The following HCN1 variants were observed in gnomAD, a reference collection of about 807,000 sequenced individuals.
The protein encoded by HCN1 is hyperpolarization activated cyclic nucleotide gated potassium channel 1, also known as potassium/sodium hyperpolarization-activated cyclic nucleotide-gated channel 1.
HCN1 carries 13 observed loss-of-function variants against 78.9 expected under a neutral mutation model. That is an observed-to-expected ratio of 0.16 (90% confidence interval 0.11 to 0.26). The LOEUF is 0.26. Among genes scored for constraint, HCN1 ranks in the 10% least tolerant of loss-of-function variants. The pLI is 1.00. For missense variants in HCN1, 810 were observed against 1,154.3 expected, an observed-to-expected ratio of 0.70 and a Z score of 4.32; for synonymous variants, 552 against 455.5, an observed-to-expected ratio of 1.21 and a Z score of -2.70.
At chr5:45,288,698 G>A (rs572443713) in intron 6 of HCN1, among the ~76,000 whole-genome samples, 7 of 151,974 alleles carry the variant, frequency 4.6e-5, no homozygotes, top group Non-Finnish European at 7.4e-5. Context: ...GCATTAAATC[G>A]TGCTTAGGTT....
At chr5:45,505,614 A>G (rs1462132152) in intron 2 of HCN1, among the ~76,000 whole-genome samples, 1 of 152,114 alleles carries the variant, frequency 6.6e-6, no homozygotes, top group Non-Finnish European at 1.5e-5. Context: ...GAGAAGGGTA[A>G]ATTATAACAT....
At chr5:45,584,530 T>C (rs1744160653) in intron 2 of HCN1, among the ~76,000 whole-genome samples, 1 of 152,070 alleles carries the variant, frequency 6.6e-6, no homozygotes, top group African/African-American at 2.4e-5. Context: ...CCCATTTACA[T>C]TTAAGGTTAA....
At chr5:45,383,568 G>C (rs554072855) in intron 4 of HCN1, among the ~76,000 whole-genome samples, 1 of 152,108 alleles carries the variant, frequency 6.6e-6, no homozygotes, top group East Asian at 1.9e-4. Flanking sequence ...GGTGGCACAC[G>C]CCTGTAGTCC....
At chr5:45,482,001 G>T (rs1741663757) in intron 2 of HCN1, among the ~76,000 whole-genome samples, 4 of 152,110 alleles carry the variant, frequency 2.6e-5, no homozygotes, top group Admixed American at 2.6e-4. Context: ...AAATGTAGTT[G>T]GGTATGTGAT....
intron 3 of HCN1, among the ~76,000 whole-genome samples, chr5:45,428,537 T>G (rs1415495447): frequency 1.3e-5 from 2 of 152,112 alleles, no homozygotes; most frequent in Non-Finnish European, 2.9e-5. Flanking sequence ...ATTAGCAAAT[T>G]TTGTATTTAA....
Position 45,519,454 on chromosome 5 carries a change from C to CT in HCN1, c.850-57448dup, listed in dbSNP as rs571512064. On this transcript the variant is annotated intron_variant, in intron 2 of 7. Transcript: ENST00000303230. ...CGAAAAGTAGGCCATAGTAGTTCTA[C>CT]TTTTTACATGCTGGGATCTGTGATA... Among the ~76,000 whole-genome samples, 30 of 152,064 alleles carry CT rather than the reference C, an allele frequency of 2.0e-4. 1 individual carries two copies. Among genetic ancestry groups the CT allele is most frequent in the South Asian group, 6.2e-4 (3 of 4,832 alleles).
chr5:45,672,823 A>G (rs1214442459), intron 1 of HCN1, among the ~76,000 whole-genome samples: 5 of 151,144 alleles, frequency 3.3e-5, no homozygotes, highest in Non-Finnish European at 7.4e-5. Flanking sequence ...CTTTTTTTTT[A>G]AATAAACCTT....
At chr5:45,653,431 AAC>A (rs1745714150) in intron 1 of HCN1, among the ~76,000 whole-genome samples, 1 of 151,622 alleles carries the variant, frequency 6.6e-6, no homozygotes, top group African/African-American at 2.4e-5. Flanking sequence ...CTGCTTAATA[AAC>A]AGTCTCCAAA....
At chr5:45,435,964 A>C (rs964110319) in intron 3 of HCN1, among the ~76,000 whole-genome samples, 18 of 152,194 alleles carry the variant, frequency 1.2e-4, no homozygotes, top group Non-Finnish European at 2.9e-5. Context: ...CCCCGCCAAT[A>C]AAATTCCATT....
chr5:45,465,659 G>A (rs976136262), intron 2 of HCN1, among the ~76,000 whole-genome samples: 2 of 152,038 alleles, frequency 1.3e-5, no homozygotes, highest in African/African-American at 2.4e-5. Flanking sequence ...GGAGGCTGAG[G>A]CAGGAGAATC....
At chr5:45,580,592 GT>G (rs983252618) in intron 2 of HCN1, among the ~76,000 whole-genome samples, 1 of 151,960 alleles carries the variant, frequency 6.6e-6, no homozygotes, top group African/African-American at 2.4e-5. Context: ...CAACCTGCAG[GT>G]TTGTTACATG....
intron 4 of HCN1, among the ~76,000 whole-genome samples, chr5:45,360,685 T>A (rs1158851318): frequency 6.6e-6 from 1 of 152,080 alleles, no homozygotes; most frequent in African/African-American, 2.4e-5. Flanking sequence ...GAAAAAGTTT[T>A]AAGTCACATA....
rs193151857 is a variant in HCN1, at chr5:45,533,194, C to A, written c.850-71187G>T. 2.6e-5 allele frequency among the ~76,000 whole-genome samples: 4 copies of A among 152,288 alleles called. No individual in the cohort carries two copies. In the East Asian group the frequency reaches 7.7e-4, roughly 29 times the overall value. On this transcript the variant is annotated intron_variant, in intron 2 of 7. Transcript: ENST00000303230. ...GTTTGTTTTTCTGAAAAGCTTTTTACTTTTGTAGAAAACATTGCACATTTG... is the reference window on the plus strand; with the variant it reads ...GTTTGTTTTTCTGAAAAGCTTTTTAATTTTGTAGAAAACATTGCACATTTG...
intron 3 of HCN1, among the ~76,000 whole-genome samples, chr5:45,454,651 A>AT (rs964168549): frequency 6.6e-5 from 10 of 151,964 alleles, no homozygotes; most frequent in African/African-American, 1.7e-4. Flanking sequence ...TAATTAAGAG[A>AT]TTTTTTAGCT....
At chr5:45,376,367 G>T (rs992909381) in intron 4 of HCN1, among the ~76,000 whole-genome samples, 1 of 23,312 alleles carries the variant, frequency 4.3e-5, no homozygotes, top group Non-Finnish European at 1.0e-4. Flanking sequence ...GAGAGAGAGA[G>T]AGAGAGAAAA....
intron 6 of HCN1, among the ~76,000 whole-genome samples, chr5:45,286,593 G>A (rs1335599079): frequency 1.3e-5 from 2 of 151,970 alleles, no homozygotes; most frequent in African/African-American, 2.4e-5. Flanking sequence ...CAATCTGACT[G>A]TATTATTGTC....
intron 2 of HCN1, among the ~76,000 whole-genome samples, chr5:45,551,306 C>T (rs1743364148): frequency 6.6e-6 from 1 of 151,574 alleles, no homozygotes; most frequent in Non-Finnish European, 1.5e-5. Context: ...ATGCTCTTAT[C>T]TATTGCACAT....
chr5:45,556,006 T>G (rs1338158369), intron 2 of HCN1, among the ~76,000 whole-genome samples: 1 of 151,910 alleles, frequency 6.6e-6, no homozygotes, highest in Non-Finnish European at 1.5e-5. Flanking sequence ...GATATCCATA[T>G]GCCAAAGAAT....
chr5:45,544,962 C>T (rs951241596), intron 2 of HCN1, among the ~76,000 whole-genome samples: 5 of 151,986 alleles, frequency 3.3e-5, no homozygotes, highest in African/African-American at 1.2e-4. Context: ...TGGGTATATA[C>T]CAGTAATGGG....
Sources: gnomAD v4.1 joint callset for allele counts (sites outside exome capture counted in the v4.1 genomes callset) on GRCh38, gnomAD v4.1.1 for gene constraint, MANE v1.5 for transcripts, NCBI Gene and HGNC (gene_info 2026-07-23, HGNC 2026-07-21) for gene names.